Variants in UCMA observed in about 807,000 individuals in gnomAD.
The protein encoded by UCMA is upper zone of growth plate and cartilage matrix associated, also known as upper zone of growth plate and cartilage matrix-associated protein.
Under a neutral mutation model 21.8 loss-of-function variants are expected in UCMA, and 21 were observed. The observed-to-expected ratio is 0.97, with a 90% CI of 0.68 to 1.39. The LOEUF (loss-of-function observed/expected upper bound fraction) is 1.39. Ranked by LOEUF, UCMA falls within the 40% of genes most tolerant of loss-of-function variation. The probability of loss-of-function intolerance (pLI) is 0.00; values close to 1 mark genes in which losing one functional copy is unlikely to be tolerated. For synonymous variants in UCMA, 76 were observed against 67.9 expected (o/e 1.12, Z -0.58); for missense variants, 193 against 178.9 (o/e 1.08, Z -0.45).
chr10:13,231,849 G>A (rs1834902839), intron 3 of UCMA, among the ~76,000 whole-genome samples: 1 of 152,152 alleles, frequency 6.6e-6, no homozygotes, highest in South Asian at 2.1e-4. Context: ...CCAAATTCAA[G>A]TTGGCTGAAG....
chr10:13,224,588 C>T (rs759913079), intron 4 of UCMA, among the ~76,000 whole-genome samples: 1 of 152,160 alleles, frequency 6.6e-6, no homozygotes, highest in African/African-American at 2.4e-5. Flanking sequence ...TCTGTTTTCT[C>T]AAATGTGGAC....
chr10:13,231,703 T>TTTA (rs536604707), intron 3 of UCMA, among the ~76,000 whole-genome samples: 1 of 152,316 alleles, frequency 6.6e-6, no homozygotes, highest in African/African-American at 2.4e-5. Flanking sequence ...AGATAGTAAT[T>TTTA]TTATACTATG....
intron 1 of UCMA, 64 bp downstream of exon 1, chr10:13,234,137 T>C: frequency 6.8e-7 from 1 of 1,471,316 alleles, no homozygotes; most frequent in Non-Finnish European, 9.2e-7. Context: ...CAGCCTTACC[T>C]GTGCATGGTA....
chr10:13,224,430 A>G (rs1203747842), intron 4 of UCMA, among the ~76,000 whole-genome samples: 1 of 152,150 alleles, frequency 6.6e-6, no homozygotes, highest in Non-Finnish European at 1.5e-5. Context: ...AGGAAAAGGA[A>G]GAAAGAAAGA....
At chr10:13,223,419 G>T (rs569800965) in intron 4 of UCMA, among the ~76,000 whole-genome samples, 125 of 152,048 alleles carry the variant, frequency 8.2e-4, no homozygotes, top group African/African-American at 1.2e-3. Flanking sequence ...GTAAAATTTC[G>T]CCACAAAAAG....
At position 13,234,226 on chromosome 10, in the gene UCMA, G is replaced by C; in HGVS notation, c.33C>G (p.Cys11Trp). The change falls in exon 1 of 5, where the codon TGC becomes TGG. Residue 11 changes from cysteine (C) to tryptophan (W), a missense_variant. Cys to Trp is a radical substitution (Grantham distance 215). Transcript: ENST00000378681. The stretch of plus-strand genomic sequence containing the variant: ...TAGACAGGAGCACCACGGCGGAGAA[G>C]CAAGACAGCAGGACGGCCTGTCTCC... MTWRQAVLLSCFSAVVLLSML... is the reference protein window; with the variant it reads MTWRQAVLLSWFSAVVLLSML... 1.9e-6 allele frequency: 3 copies of C among 1,613,934 alleles called. No individual in the cohort carries two copies. Among genetic ancestry groups the C allele is most frequent in the Non-Finnish European group, 2.5e-6 (3 of 1,179,978 alleles).
chr10:13,223,187 CTG>C (rs1429597742), intron 4 of UCMA, among the ~76,000 whole-genome samples: 9 of 149,178 alleles, frequency 6.0e-5, no homozygotes, highest in African/African-American at 2.2e-4. Context: ...GATCACGCCA[CTG>C]CACTCCAGCC....
chr10:13,228,888 AC>A (rs1834859769), intron 4 of UCMA, among the ~76,000 whole-genome samples: 1 of 151,372 alleles, frequency 6.6e-6, no homozygotes, highest in South Asian at 2.1e-4. Flanking sequence ...CCCCTTCCAC[AC>A]CTTCTCAAGT....
At chr10:13,224,664 G>A (rs1535851) in intron 4 of UCMA, among the ~76,000 whole-genome samples, 65,818 of 151,980 alleles carry the variant, frequency 0.43, 14,743 homozygotes, top group African/African-American at 0.53. Flanking sequence ...CCTCTGTGGC[G>A]ATGGCCAACA....
chr10:13,228,449 C>T (rs1411885370), intron 4 of UCMA, among the ~76,000 whole-genome samples: 1 of 152,122 alleles, frequency 6.6e-6, no homozygotes, highest in Non-Finnish European at 1.5e-5. Flanking sequence ...TAAAAATTTT[C>T]AGGTGATCTG....
intron 3 of UCMA, among the ~76,000 whole-genome samples, chr10:13,230,529 G>A (rs1021763031): frequency 1.3e-5 from 2 of 152,208 alleles, no homozygotes; most frequent in Non-Finnish European, 2.9e-5. Context: ...GTCTAGGGCA[G>A]GAAGAACCAG....
intron 4 of UCMA, among the ~76,000 whole-genome samples, chr10:13,225,497 A>T (rs1834812752): frequency 6.6e-6 from 1 of 152,028 alleles, no homozygotes; most frequent in South Asian, 2.1e-4. Flanking sequence ...CAACATGGTG[A>T]AACCGTGTCT....
intron 3 of UCMA, among the ~76,000 whole-genome samples, chr10:13,231,356 C>T (rs1834897102): frequency 6.6e-6 from 1 of 152,148 alleles, no homozygotes; most frequent in African/African-American, 2.4e-5. Context: ...AGAGGGGATT[C>T]AGGCTCAGAG....
chr10:13,228,015 G>A (rs538725828), intron 4 of UCMA, among the ~76,000 whole-genome samples: 11 of 151,748 alleles, frequency 7.2e-5, no homozygotes, highest in South Asian at 2.1e-4. Context: ...TGAGGGGTGC[G>A]GAATGCCTGG....
chr10:13,233,904 T>C lies in UCMA; in HGVS notation c.59-104A>G. Reference sequence around the variant, plus strand: ...CCAGGCTAAGCGTCCTGCCAGGGCCTGGCAGGGGGCCCGTGGTTTCTCACG... The same window carrying C: ...CCAGGCTAAGCGTCCTGCCAGGGCCCGGCAGGGGGCCCGTGGTTTCTCACG... On this transcript the variant is annotated intron_variant, in intron 1 of 4. Coordinates refer to ENST00000378681, the MANE Select transcript of UCMA (RefSeq NM_145314.3). 6 of 1,416,964 alleles carry C rather than the reference T, an allele frequency of 4.2e-6. No individual in the cohort carries two copies. In the South Asian group the frequency reaches 7.9e-5, roughly 19 times the overall value. The allele number at this position is 1,416,964 out of a possible 1,614,324, so 87.8% of individuals were successfully genotyped here.
intron 3 of UCMA, among the ~76,000 whole-genome samples, chr10:13,232,334 T>C (rs1003990848): frequency 3.1e-5 from 4 of 129,070 alleles, no homozygotes; most frequent in African/African-American, 1.2e-4. Context: ...ATCCTGCCAC[T>C]GCACTCCAGC....
intron 3 of UCMA, 96 bp downstream of exon 3, chr10:13,233,442 C>T: frequency 4.0e-6 from 4 of 994,172 alleles, no homozygotes; most frequent in Non-Finnish European, 6.2e-6. Flanking sequence ...TGCCCAGCTG[C>T]ATCCTGCTGC....
At chr10:13,232,082 G>A in intron 3 of UCMA, among the ~76,000 whole-genome samples, 1 of 152,112 alleles carries the variant, frequency 6.6e-6, no homozygotes, top group East Asian at 1.9e-4. Flanking sequence ...CAGCTTAAGA[G>A]GACAGAAGAG....
intron 3 of UCMA, 80 bp from the exon 4 acceptor site, chr10:13,229,789 T>C (rs1215530403): frequency 9.4e-6 from 11 of 1,173,364 alleles, no homozygotes; most frequent in Non-Finnish European, 1.4e-5. Flanking sequence ...GCACAGTTCA[T>C]CTGAGAAGTC....
Sources: gnomAD v4.1 joint callset for allele counts (sites outside exome capture counted in the v4.1 genomes callset) on GRCh38, gnomAD v4.1.1 for gene constraint, MANE v1.5 for transcripts, NCBI Gene and HGNC (gene_info 2026-07-23, HGNC 2026-07-21) for gene names.